PDE1C: variants seen among roughly 807,000 people sequenced by gnomAD.
The protein encoded by PDE1C is phosphodiesterase 1C, also known as dual specificity calcium/calmodulin-dependent 3',5'-cyclic nucleotide phosphodiesterase 1C.
In PDE1C, 62 loss-of-function variants were observed where a neutral mutation model predicts 93.1. The ratio of observed to expected loss-of-function variants is 0.67; its 90% CI spans 0.54 to 0.82. The LOEUF (loss-of-function observed/expected upper bound fraction) is 0.82. Ranked by LOEUF, PDE1C falls within the 40% of genes least tolerant of loss-of-function variation. The pLI is 0.00. For missense variants in PDE1C, 742 were observed against 884.6 expected, an observed-to-expected ratio of 0.84 and a Z score of 2.04; for synonymous variants, 325 against 310.1, an observed-to-expected ratio of 1.05 and a Z score of -0.50.
chr7:32,206,468 C>T (rs1243960045), intron 2 of PDE1C, among the ~76,000 whole-genome samples: 3 of 152,122 alleles, frequency 2.0e-5, no homozygotes, highest in Non-Finnish European at 4.4e-5. Flanking sequence ...GGCAGCTTCA[C>T]CAGCATCCCA....
In PDE1C at chr7:32,068,950, AAC is replaced by A. The variant is rs546887097; in HGVS notation, c.101+1341_101+1342del. ...CTAAATATAACATGAGATTACTGTA[AAC>A]ACCACTCCGAGAGCTGCTGCGTTGC... On this transcript the variant is annotated intron_variant, in intron 1 of 17. Coordinates refer to ENST00000396191, the MANE Select transcript of PDE1C (RefSeq NM_001191057.4). 4.0e-3 allele frequency among the ~76,000 whole-genome samples: 607 copies of A among 152,310 alleles called. 5 individuals are homozygous for A. Among genetic ancestry groups the A allele is most frequent in the African/African-American group, 0.014 (566 of 41,544 alleles).
rs140781612 is a variant in PDE1C, at chr7:32,111,562, C to G, written c.308+58223G>C. On this transcript the variant is annotated intron_variant, in intron 3 of 18. Coordinates refer to the PDE1C transcript ENST00000396193. ...GGTTGGGATTTGGATTCCTCTGGAG[C>G]CACAGAGGTGTTGGGAGCCAGGAGC... Among the ~76,000 whole-genome samples, 16 of 152,172 alleles carry G rather than the reference C, an allele frequency of 1.1e-4. 1 individual carries two copies. Among genetic ancestry groups the G allele is most frequent in the Admixed American group, 2.6e-4 (4 of 15,270 alleles).
chr7:32,346,564 T>G (rs1471867222), intron 1 of PDE1C, among the ~76,000 whole-genome samples: 2 of 152,142 alleles, frequency 1.3e-5, no homozygotes, highest in Non-Finnish European at 2.9e-5. Context: ...GGAGAAAACA[T>G]TAAAAAGCAA....
At chr7:31,847,777 T>C (rs1012412545) in intron 9 of PDE1C, 191 bp downstream of exon 9, 6 of 572,716 alleles carry the variant, frequency 1.0e-5, no homozygotes, top group African/African-American at 3.8e-5. Context: ...TGAATATCTG[T>C]ATAAAGAAAA....
intron 1 of PDE1C, among the ~76,000 whole-genome samples, chr7:32,306,285 A>T (rs1813001597): frequency 6.6e-6 from 1 of 152,116 alleles, no homozygotes; most frequent in Non-Finnish European, 1.5e-5. Context: ...TGGTCATAAT[A>T]CTTCCAGAAT....
At chr7:31,632,923 T>C in the PDE1C span, among the ~76,000 whole-genome samples, 1 of 152,086 alleles carries the variant, frequency 6.6e-6, no homozygotes, top group Non-Finnish European at 1.5e-5. Context: ...AGTCTCACTC[T>C]GTCGCCAGGC....
chr7:31,844,137 T>C (rs1346352448), intron 9 of PDE1C, among the ~76,000 whole-genome samples: 1 of 151,846 alleles, frequency 6.6e-6, no homozygotes, highest in Middle Eastern at 3.2e-3. Flanking sequence ...TGAAGAAAAA[T>C]GGTATTTTAC....
At chr7:32,259,386 G>A (rs1810030316) in intron 1 of PDE1C, among the ~76,000 whole-genome samples, 1 of 152,016 alleles carries the variant, frequency 6.6e-6, no homozygotes, top group South Asian at 2.1e-4. Context: ...TGCCCAAAAG[G>A]TACAGGACAA....
the PDE1C span, among the ~76,000 whole-genome samples, chr7:31,627,659 CA>C: frequency 0.21 from 15,479 of 74,470 alleles, 642 homozygotes; most frequent in East Asian, 0.28. Context: ...GACACTGTCT[CA>C]AAAAAAAAAA....
chr7:31,811,771 C>G (rs1787581933), intron 15 of PDE1C, among the ~76,000 whole-genome samples: 1 of 152,068 alleles, frequency 6.6e-6, no homozygotes, highest in South Asian at 2.1e-4. Flanking sequence ...ATGATGGTTC[C>G]TGTTCTCAGC....
At chr7:32,015,266 T>C (rs1787731928) in intron 2 of PDE1C, among the ~76,000 whole-genome samples, 1 of 151,470 alleles carries the variant, frequency 6.6e-6, no homozygotes, top group African/African-American at 2.4e-5. Flanking sequence ...ATATCATGTA[T>C]TCATGCTAGG....
chr7:31,830,046 T>G (rs1790182229), intron 11 of PDE1C, among the ~76,000 whole-genome samples: 1 of 152,190 alleles, frequency 6.6e-6, no homozygotes, highest in African/African-American at 2.4e-5. Context: ...TGATACTAAA[T>G]AACTCCTAAT....
intron 2 of PDE1C, among the ~76,000 whole-genome samples, chr7:32,181,557 C>A (rs1803423345): frequency 6.6e-6 from 1 of 151,998 alleles, no homozygotes. Flanking sequence ...CTACTGGGTA[C>A]ATAACGAAAT....
chr7:31,939,992 C>T (rs1775940710), intron 2 of PDE1C, among the ~76,000 whole-genome samples: 1 of 152,086 alleles, frequency 6.6e-6, no homozygotes, highest in Admixed American at 6.5e-5. Context: ...AGGAAATCTC[C>T]CCAAACTAGA....
chr7:32,147,301 A>AAAGAAAGAAAGAAAGAAAGAAAG (rs1800940156), intron 3 of PDE1C, among the ~76,000 whole-genome samples: 1 of 133,776 alleles, frequency 7.5e-6, no homozygotes, highest in African/African-American at 3.1e-5. Flanking sequence ...AGAAAGAAAG[A>AAAGAAAGAAAGAAAGAAAGAAAG]AAGAAAGAAA....
At chr7:32,036,970 T>C (rs1182585317) in intron 2 of PDE1C, among the ~76,000 whole-genome samples, 1 of 152,232 alleles carries the variant, frequency 6.6e-6, no homozygotes, top group Admixed American at 6.5e-5. Flanking sequence ...TGATACCATT[T>C]GAGAACTGTT....
chr7:31,837,326 A>G (rs372603849), intron 10 of PDE1C, 26 bp from the exon 11 acceptor site: 15 of 1,589,598 alleles, frequency 9.4e-6, no homozygotes, highest in Middle Eastern at 3.4e-4. Context: ...ACCCAAACAC[A>G]TGATAACCAC....
intron 1 of PDE1C, among the ~76,000 whole-genome samples, chr7:32,305,922 C>T (rs973310427): frequency 2.6e-5 from 4 of 152,204 alleles, no homozygotes; most frequent in African/African-American, 9.7e-5. Flanking sequence ...TATGTCTCCA[C>T]CCAAATCTCA....
intron 2 of PDE1C, among the ~76,000 whole-genome samples, chr7:31,952,132 G>A (rs1807453228): frequency 6.6e-6 from 1 of 152,196 alleles, no homozygotes; most frequent in South Asian, 2.1e-4. Context: ...GTAGTAAGTG[G>A]CAGGGTTAAT....
Sources: allele counts gnomAD v4.1 joint callset (sites outside exome capture counted in the v4.1 genomes callset), GRCh38; gene constraint gnomAD v4.1.1; transcripts MANE v1.5; gene names NCBI Gene and HGNC (gene_info 2026-07-23, HGNC 2026-07-21).